Variants in MYH10 observed in about 807,000 individuals in gnomAD.
The protein encoded by MYH10 is myosin-10.
A neutral mutation model predicts 257.8 loss-of-function variants in MYH10; 55 were observed. That is an observed-to-expected ratio of 0.21 (90% CI 0.17 to 0.27). The LOEUF (loss-of-function observed/expected upper bound fraction) is 0.27, where lower values mean the gene tolerates loss of function less well. Ranked by LOEUF, MYH10 falls within the 10% of genes least tolerant of loss-of-function variation. The pLI, the probability that MYH10 is intolerant of heterozygous loss-of-function variation, is 1.00. For missense variants in MYH10, 1,631 were observed against 2,500.6 expected, an observed-to-expected ratio of 0.65 and a Z score of 7.42; for synonymous variants, 854 against 921.7, an observed-to-expected ratio of 0.93 and a Z score of 1.33.
At chr17:8,567,892 C>T (rs1482955411) in intron 7 of MYH10, among the ~76,000 whole-genome samples, 1 of 152,166 alleles carries the variant, frequency 6.6e-6, no homozygotes. Context: ...GTGTGAACAA[C>T]TATGTTTCGT....
chr17:8,603,349 A>T (rs1481468764), intron 3 of MYH10, among the ~76,000 whole-genome samples: 1 of 152,102 alleles, frequency 6.6e-6, no homozygotes, highest in African/African-American at 2.4e-5. Flanking sequence ...TAATCAATAT[A>T]CTCACATTGT....
intron 40 of MYH10, 102 bp downstream of exon 40, chr17:8,480,008 C>CA (rs1913408474): frequency 8.8e-7 from 1 of 1,141,436 alleles, no homozygotes. Flanking sequence ...TATGTGTTCT[C>CA]TGCCCACGTG....
intron 7 of MYH10, among the ~76,000 whole-genome samples, chr17:8,565,460 C>A (rs1027985743): frequency 6.6e-6 from 1 of 152,032 alleles, no homozygotes; most frequent in African/African-American, 2.4e-5. Context: ...TAGGTAACAC[C>A]TTATGATAAC....
In MYH10 at chr17:8,535,388, A is replaced by G. The variant is rs375529149; in HGVS notation, c.1893T>C (p.Asp631=). ...TTACAAAGATAAGCACTTTCTTACC[A>G]TCTTTCCAAAGCTCTGCCACAAATC... ...SDRFVAELWK[D]EIQNIQRASF... The change falls in exon 16 of 43, where the codon GAT becomes GAC. Residue 631 remains aspartate, a splice_region_variant and synonymous_variant. Coordinates refer to ENST00000360416, the MANE Select transcript of MYH10 (RefSeq NM_001256012.3). The surrounding 1 kb of genome is among the most constrained non-coding windows in gnomAD (Gnocchi z 4.3). 6 of 1,611,848 alleles carry G rather than the reference A, an allele frequency of 3.7e-6. No individual in the cohort carries two copies. The African/African-American group carries it at 5.3e-5, about 14-fold the overall frequency.
chr17:8,500,011 G>A (rs997209357), intron 29 of MYH10, among the ~76,000 whole-genome samples: 1 of 152,178 alleles, frequency 6.6e-6, no homozygotes, highest in Non-Finnish European at 1.5e-5. Context: ...AACACCACTG[G>A]ACCTCAGTTT....
intron 3 of MYH10, among the ~76,000 whole-genome samples, chr17:8,602,318 G>T (rs1300667663): frequency 2.0e-5 from 3 of 152,178 alleles, no homozygotes; most frequent in Admixed American, 6.5e-5. Context: ...CTTGGATGGG[G>T]AATTGAATCT....
rs1305209663 is a variant in MYH10, at chr17:8,630,656, T to A, written c.-34A>T. The A allele has an allele frequency of 6.5e-6, 1 of 152,860 alleles. No homozygotes were observed. The highest frequency in any genetic ancestry group is 2.4e-5 in the African/African-American group (1 of 41,512). The allele number at this position is 152,860 out of a possible 1,614,324, so 9.5% of individuals were successfully genotyped here. A position where few individuals can be genotyped will look rare whatever the true frequency, so the allele number is the denominator to read the frequency against. Reference sequence around the variant, plus strand: ...ACCCGGGTAGCCGCACCTCTCACCTTCAGCCGAAGATGGTGGCGCGGGCGC... The same window carrying A: ...ACCCGGGTAGCCGCACCTCTCACCTACAGCCGAAGATGGTGGCGCGGGCGC... On this transcript the variant is annotated splice_region_variant and 5_prime_UTR_variant, in exon 1 of 43. Coordinates refer to ENST00000360416, the MANE Select transcript of MYH10 (RefSeq NM_001256012.3).
At chr17:8,536,506 C>G (rs1215714256) in intron 14 of MYH10, among the ~76,000 whole-genome samples, 3 of 152,142 alleles carry the variant, frequency 2.0e-5, no homozygotes, top group African/African-American at 7.2e-5. Context: ...AGGCATTTGA[C>G]AACCCATTTT....
chr17:8,512,212 G>C (rs928135328), intron 24 of MYH10, among the ~76,000 whole-genome samples: 1 of 152,210 alleles, frequency 6.6e-6, no homozygotes, highest in African/African-American at 2.4e-5. Context: ...TTTGCAAACT[G>C]TAAGATGCCA....
intron 14 of MYH10, among the ~76,000 whole-genome samples, chr17:8,541,295 C>T (rs1170776865): frequency 6.6e-6 from 1 of 152,218 alleles, no homozygotes; most frequent in Non-Finnish European, 1.5e-5. Flanking sequence ...GAAAACTCTG[C>T]GTTATTCAAA....
intron 6 of MYH10, among the ~76,000 whole-genome samples, chr17:8,571,077 G>A (rs1205318178): frequency 6.6e-6 from 1 of 152,048 alleles, no homozygotes; most frequent in Non-Finnish European, 1.5e-5. Context: ...ACATGGCATC[G>A]GTTTATTTTC....
In MYH10 at chr17:8,475,850, C is replaced by G. The variant is rs149634202; in HGVS notation, c.5978G>C (p.Ser1993Thr). 37 of 1,614,108 alleles carry G rather than the reference C, an allele frequency of 2.3e-5. No individual in the cohort carries two copies. The African/African-American group carries it at 4.5e-4, about 20-fold the overall frequency. ...CGTCTCGTTGACATCACTGGTCTTA[C>G]TTTCTGTGTCATCGTCGGAGAGCTC... Reference protein sequence around the residue: ...SLELSDDDTESKTSDVNETQP... With the variant: ...SLELSDDDTETKTSDVNETQP... Residue 1993 changes from serine to threonine, a missense_variant, in exon 43 of 43, where the codon AGT (serine) becomes ACT (threonine). Physicochemically the swap from Ser to Thr is moderately conservative, Grantham distance 58 (BLOSUM62 1). Coordinates refer to ENST00000360416, the MANE Select transcript of MYH10 (RefSeq NM_001256012.3).
intron 14 of MYH10, among the ~76,000 whole-genome samples, chr17:8,541,448 A>G (rs1237755810): frequency 1.3e-5 from 2 of 152,244 alleles, no homozygotes; most frequent in Non-Finnish European, 2.9e-5. Flanking sequence ...CTAACTGATA[A>G]GGAGTACAGA....
intron 4 of MYH10, among the ~76,000 whole-genome samples, chr17:8,581,049 C>T (rs1417169000): frequency 6.6e-6 from 1 of 151,918 alleles, no homozygotes; most frequent in Non-Finnish European, 1.5e-5. Flanking sequence ...ATGCAAAGAC[C>T]CCAAAGCAGA....
chr17:8,597,927 T>C (rs896767525), intron 3 of MYH10, among the ~76,000 whole-genome samples: 6 of 152,148 alleles, frequency 3.9e-5, no homozygotes, highest in African/African-American at 7.2e-5. Context: ...CTACTCTGCA[T>C]TGTTTAATGG....
intron 24 of MYH10, chr17:8,511,014 C>CCATATATATATATATA (rs2081250275): frequency 1.4e-5 from 1 of 73,528 alleles, no homozygotes; most frequent in Non-Finnish European, 2.5e-5. Context: ...CTCATGTACC[C>CCATATATATATATATA]CATATATATA....
chr17:8,563,765 T>C (rs559419010), intron 7 of MYH10, among the ~76,000 whole-genome samples: 5 of 152,252 alleles, frequency 3.3e-5, no homozygotes, highest in Admixed American at 3.3e-4. Context: ...GCTTTCATTA[T>C]AACCTGGTCG....
chr17:8,608,862 G>C (rs999432774), intron 2 of MYH10, among the ~76,000 whole-genome samples: 1 of 150,922 alleles, frequency 6.6e-6, no homozygotes, highest in Non-Finnish European at 1.5e-5. Context: ...CCAGGCTGGA[G>C]TGCAGTGGCA....
At chr17:8,492,590 C>T (rs1474439034) in intron 33 of MYH10, 81 bp from the exon 34 acceptor site, 23 of 1,397,284 alleles carry the variant, frequency 1.6e-5, no homozygotes, top group Admixed American at 4.8e-5. Flanking sequence ...GCTGATTTAT[C>T]GCTAGAGTGC....
Sources: allele counts gnomAD v4.1 joint callset (sites outside exome capture counted in the v4.1 genomes callset), GRCh38; gene constraint gnomAD v4.1.1; non-coding constraint Gnocchi (gnomAD v3.1); transcripts MANE v1.5; gene names NCBI Gene and HGNC (gene_info 2026-07-23, HGNC 2026-07-21).